The following EBF1 variants were observed in gnomAD, a reference collection of about 807,000 sequenced individuals.
The protein encoded by EBF1 is EBF transcription factor 1.
A neutral mutation model predicts 68.4 loss-of-function variants in EBF1; 10 were observed. That is an observed-to-expected ratio of 0.15 (90% CI 0.09 to 0.25). The LOEUF (loss-of-function observed/expected upper bound fraction) is 0.25, where lower values mean the gene tolerates loss of function less well. EBF1 is among the 10% of genes least tolerant of loss of function. The pLI is 1.00. For missense variants in EBF1, 509 were observed against 794.4 expected (o/e 0.64, Z 4.32); for synonymous variants, 298 against 299.8 (o/e 0.99, Z 0.06).
At chr5:158,750,561 G>T (rs1329957135) in intron 10 of EBF1, among the ~76,000 whole-genome samples, 1 of 152,026 alleles carries the variant, frequency 6.6e-6, no homozygotes, top group African/African-American at 2.4e-5. Flanking sequence ...AAGTATGGCT[G>T]ATTGTATTAA....
At chr5:158,763,545 C>A (rs1771974082) in intron 10 of EBF1, among the ~76,000 whole-genome samples, 1 of 152,000 alleles carries the variant, frequency 6.6e-6, no homozygotes. Flanking sequence ...AGCATGTAAA[C>A]AAATCAGAAT....
In EBF1 at chr5:158,697,304, C is replaced by T. The variant is rs575743161; in HGVS notation, c.*1807G>A. ...TTTTTTTGCCATATATTGGAAAAAA[C>T]TTCTTAACTTACAAATAATACAAAA... On this transcript the variant is annotated 3_prime_UTR_variant, in exon 16 of 16. Transcript: ENST00000313708. The T allele has an allele frequency of 1.5e-4, 28 of 184,588 alleles. No homozygotes were observed. Among genetic ancestry groups the T allele is most frequent in the Admixed American group, 8.3e-4 (13 of 15,714 alleles). 11.4% of individuals were successfully genotyped at this position (184,588 alleles called of 1,614,324 possible).
chr5:158,869,753 C>T (rs1464768429), intron 6 of EBF1, among the ~76,000 whole-genome samples: 3 of 152,150 alleles, frequency 2.0e-5, no homozygotes, highest in Admixed American at 1.3e-4. Context: ...ATATTCACTA[C>T]TTGATCTTGT....
rs903749025 is a variant in EBF1 at position 158,698,210 on chromosome 5, T to A, written c.*901A>T. ...GGCTTGTTAACTGGAGGGCAGAGTG[T>A]GGAATTCTGTGCCTGGACCCTGTTC... On this transcript the variant is annotated 3_prime_UTR_variant, in exon 16 of 16. Coordinates refer to ENST00000313708, the MANE Select transcript of EBF1 (RefSeq NM_024007.5). The A allele has an allele frequency of 2.3e-5, 5 of 221,254 alleles. No individual in the cohort carries two copies. The highest frequency in any genetic ancestry group is 4.5e-5 in the Non-Finnish European group (5 of 110,546). 13.7% of individuals were successfully genotyped at this position (221,254 alleles called of 1,614,324 possible).
intron 6 of EBF1, among the ~76,000 whole-genome samples, chr5:158,841,696 G>C (rs2127970592): frequency 1.3e-5 from 2 of 152,268 alleles, no homozygotes; most frequent in African/African-American, 4.8e-5. Flanking sequence ...ACTGCACGAA[G>C]ACATACAGAG....
intron 6 of EBF1, among the ~76,000 whole-genome samples, chr5:158,907,406 C>A (rs1030043202): frequency 2.0e-5 from 3 of 152,122 alleles, no homozygotes; most frequent in Admixed American, 6.5e-5. Flanking sequence ...CAAAATTACA[C>A]CCATGGCTTG....
rs1224344067 is a variant in EBF1 at position 158,712,065 on chromosome 5, C to T, written c.1549+89G>A. The T allele has an allele frequency of 1.5e-5, 23 of 1,495,444 alleles. 1 individual carries two copies. The highest frequency in any genetic ancestry group is 3.8e-5 in the South Asian group (3 of 78,266). 92.6% of individuals were successfully genotyped at this position (1,495,444 alleles called of 1,614,324 possible). The stretch of plus-strand genomic sequence containing the variant: ...GAGGGAAAGATGGGGGGCCTCAGAC[C>T]GAGAAGCCCTGCCCACTGGGCCACA... On this transcript the variant is annotated intron_variant, in intron 14 of 15. Coordinates refer to ENST00000313708, the MANE Select transcript of EBF1 (RefSeq NM_024007.5).
rs73816077 is a variant in EBF1, at chr5:158,832,803, C to G, written c.636+7226G>C. ...GATTCTCCAAAATTTCTAGAATTTA[C>G]TTGAAAAGGCAGGGAGTTGCCTTTT... is the stretch of plus-strand genomic sequence containing the variant. On this transcript the variant is annotated intron_variant, in intron 7 of 15. Coordinates refer to ENST00000313708, the MANE Select transcript of EBF1 (RefSeq NM_024007.5). 4.7e-3 allele frequency among the ~76,000 whole-genome samples: 712 copies of G among 152,236 alleles called. 8 individuals carry two copies. The highest frequency in any genetic ancestry group is 0.016 in the African/African-American group (683 of 41,536).
At chr5:158,975,646 A>C (rs918781236) in intron 6 of EBF1, among the ~76,000 whole-genome samples, 1 of 152,220 alleles carries the variant, frequency 6.6e-6, no homozygotes, top group African/African-American at 2.4e-5. Context: ...CCTGAAGCAA[A>C]ATGTCACAAG....
At chr5:158,795,314 T>C (rs1779416619) in intron 9 of EBF1, among the ~76,000 whole-genome samples, 2 of 152,206 alleles carry the variant, frequency 1.3e-5, no homozygotes. Flanking sequence ...GCAGCTGCTC[T>C]CTGGCTATGT....
intron 6 of EBF1, among the ~76,000 whole-genome samples, chr5:158,860,790 G>A (rs1473964443): frequency 6.6e-6 from 1 of 152,132 alleles, no homozygotes; most frequent in Admixed American, 6.5e-5. Flanking sequence ...TCTGTTGCAT[G>A]TGTGTCTCGG....
At chr5:158,896,509 G>T (rs1215190419) in intron 6 of EBF1, among the ~76,000 whole-genome samples, 5 of 152,006 alleles carry the variant, frequency 3.3e-5, no homozygotes, top group Non-Finnish European at 7.4e-5. Flanking sequence ...TGTTTTAGGG[G>T]AATATTATTA....
intron 9 of EBF1, among the ~76,000 whole-genome samples, chr5:158,791,699 G>C (rs955676009): frequency 1.3e-5 from 2 of 151,348 alleles, no homozygotes; most frequent in East Asian, 3.9e-4. Context: ...AGAGGAACTT[G>C]ATTGGTCATT....
At chr5:159,044,676 A>G (rs1771971863) in intron 6 of EBF1, among the ~76,000 whole-genome samples, 1 of 152,108 alleles carries the variant, frequency 6.6e-6, no homozygotes, top group Non-Finnish European at 1.5e-5. Flanking sequence ...GGTCCCCAAG[A>G]TTTTTCTCTC....
At chr5:158,938,036 T>C (rs1812454710) in intron 6 of EBF1, among the ~76,000 whole-genome samples, 1 of 152,180 alleles carries the variant, frequency 6.6e-6, no homozygotes, top group Non-Finnish European at 1.5e-5. Flanking sequence ...AAATGTACCT[T>C]TCTTTGAAGG....
rs1054369448 is a variant in EBF1, at chr5:158,707,937, A to G, written c.1744+42T>C. On this transcript the variant is annotated intron_variant, in intron 15 of 15. Transcript: ENST00000313708. The stretch of plus-strand genomic sequence containing the variant: ...CTTCAGGCCCTGGGAGGGTGAAGTC[A>G]GGGCATTGAATCTGGATTGGCAGGT... The G allele has an allele frequency of 5.2e-6, 8 of 1,538,080 alleles. No homozygotes were observed. The Admixed American group carries it at 1.6e-4, about 30-fold the overall frequency.
intron 6 of EBF1, among the ~76,000 whole-genome samples, chr5:158,870,565 A>G (rs1796701581): frequency 6.6e-6 from 1 of 152,154 alleles, no homozygotes; most frequent in African/African-American, 2.4e-5. Context: ...AGTCCCAGCT[A>G]TTCAGGAGGC....
In EBF1 at chr5:159,053,777, T is replaced by C. The variant is rs183003931; in HGVS notation, c.554+19619A>G. 3.9e-5 allele frequency among the ~76,000 whole-genome samples: 6 copies of C among 152,332 alleles called. No homozygotes were observed. The East Asian group carries it at 1.2e-3, about 29-fold the overall frequency. On this transcript the variant is annotated intron_variant, in intron 6 of 15. Transcript: ENST00000313708. ...TAATTACCAACTTTATTTTGACAAC[T>C]CTTTTCAATGATACCCAATTAGGCA...
intron 7 of EBF1, among the ~76,000 whole-genome samples, 161 bp from the exon 8 acceptor site, chr5:158,823,478 T>C (rs1038809593): frequency 6.6e-6 from 1 of 152,242 alleles, no homozygotes; most frequent in African/African-American, 2.4e-5. Context: ...AGAGGAGCTA[T>C]TGATGAGTGG....
Sources: gnomAD v4.1 joint callset for allele counts (sites outside exome capture counted in the v4.1 genomes callset) on GRCh38, gnomAD v4.1.1 for gene constraint, MANE v1.5 for transcripts, NCBI Gene and HGNC (gene_info 2026-07-23, HGNC 2026-07-21) for gene names.